RYR2: variants seen among roughly 807,000 people sequenced by gnomAD.
RYR2 encodes the protein cardiac muscle ryanodine receptor-calcium release channel.
RYR2 carries 227 observed loss-of-function variants against 601.1 expected under a neutral mutation model. The ratio of observed to expected loss-of-function variants is 0.38; its 90% CI spans 0.34 to 0.42. RYR2 has a LOEUF of 0.42. Ranked by LOEUF, RYR2 falls within the 10% of genes least tolerant of loss-of-function variation. The pLI is 1.00. For missense variants in RYR2, 4,646 were observed against 6,156.5 expected (o/e 0.75, Z 8.21); for synonymous variants, 2,223 against 2,175.1 (o/e 1.02, Z -0.61).
chr1:237,587,293 G>A (rs1436365910), intron 29 of RYR2, among the ~76,000 whole-genome samples: 1 of 152,058 alleles, frequency 6.6e-6, no homozygotes, highest in Non-Finnish European at 1.5e-5. Flanking sequence ...TATGTTGTTT[G>A]GGCCATTTTA....
At position 237,706,994 on chromosome 1, in the gene RYR2, C is replaced by T. The variant is rs956317332; in HGVS notation, c.9626C>T (p.Pro3209Leu). ...GTGGAAGATGTTTGTCCAAACATAC[C>T]GTCTTTGGAGAAACTCATGGAAGAA... ...TNVEDVCPNI[P>L]SLEKLMEEIV... Residue 3209 changes from proline (P) to leucine (L), a missense_variant, in exon 68 of 105, where the codon CCG (proline) becomes CTG (leucine). By Grantham distance (98) the Pro-to-Leu change is moderately conservative (BLOSUM62 -3). This residue lies in a region of RYR2 where 1,497 missense variants were observed against 1,842.6 expected (regional missense o/e 0.81). Coordinates refer to ENST00000366574, the MANE Select transcript of RYR2 (RefSeq NM_001035.3). 9.9e-6 allele frequency: 16 copies of T among 1,613,586 alleles called. No homozygotes were observed. The highest frequency in any genetic ancestry group is 1.7e-5 in the Admixed American group (1 of 59,976).
chr1:237,620,857 A>G (rs545149627), intron 38 of RYR2, among the ~76,000 whole-genome samples: 9 of 152,168 alleles, frequency 5.9e-5, no homozygotes, highest in Non-Finnish European at 1.2e-4. Context: ...CTCAGTTGAT[A>G]GAACAGCTGA....
chr1:237,275,473 A>T (rs551549237), intron 2 of RYR2, among the ~76,000 whole-genome samples: 2 of 151,220 alleles, frequency 1.3e-5, no homozygotes, highest in African/African-American at 2.5e-5. Flanking sequence ...AGACTAAAAA[A>T]CTTTGAGACA....
intron 29 of RYR2, among the ~76,000 whole-genome samples, chr1:237,583,501 A>G (rs1383940002): frequency 1.3e-5 from 2 of 152,190 alleles, no homozygotes; most frequent in African/African-American, 4.8e-5. Flanking sequence ...ATATTAAATA[A>G]TATAGGCAAA....
intron 1 of RYR2, among the ~76,000 whole-genome samples, chr1:237,255,623 C>T (rs1023729985): frequency 6.6e-6 from 1 of 152,100 alleles, no homozygotes; most frequent in Admixed American, 6.6e-5. Context: ...TTCATGAGGG[C>T]AGTTTCAATT....
chr1:237,759,456 A>T (rs532883854), intron 82 of RYR2, among the ~76,000 whole-genome samples: 1 of 152,340 alleles, frequency 6.6e-6, no homozygotes, highest in South Asian at 2.1e-4. Flanking sequence ...TTTTCTTCCC[A>T]GTTAACTTGC....
chr1:237,654,195 G>A, intron 51 of RYR2, 79 bp from the exon 52 acceptor site: 2 of 1,528,536 alleles, frequency 1.3e-6, no homozygotes, highest in Non-Finnish European at 1.8e-6. Flanking sequence ...TAGCATTAGA[G>A]TGTGATATGA....
At chr1:237,109,376 G>A (rs1413200297) in intron 1 of RYR2, among the ~76,000 whole-genome samples, 1 of 151,886 alleles carries the variant, frequency 6.6e-6, no homozygotes, top group Non-Finnish European at 1.5e-5. Flanking sequence ...AGAATATGCA[G>A]TTAAATTCAG....
At chr1:237,075,425 T>G (rs1308815305) in intron 1 of RYR2, among the ~76,000 whole-genome samples, 3 of 141,566 alleles carry the variant, frequency 2.1e-5, no homozygotes, top group Non-Finnish European at 3.1e-5. Context: ...GTGCGCACCG[T>G]GCGCGAGCCG....
chr1:237,236,767 C>T (rs967640358), intron 1 of RYR2, among the ~76,000 whole-genome samples: 1 of 152,022 alleles, frequency 6.6e-6, no homozygotes, highest in Non-Finnish European at 1.5e-5. Flanking sequence ...AATGGGATGG[C>T]GTGCTTTGAG....
intron 10 of RYR2, among the ~76,000 whole-genome samples, chr1:237,406,170 C>T (rs1703858215): frequency 1.6e-5 from 1 of 62,084 alleles, no homozygotes; most frequent in Non-Finnish European, 3.0e-5. Context: ...CTTCCCTTCC[C>T]TTCCCTCCCC....
At position 237,541,763 on chromosome 1, in the gene RYR2, G is replaced by A. The variant is rs370442097; in HGVS notation, c.2907-6668G>A. Among the ~76,000 whole-genome samples the A allele has an allele frequency of 4.6e-5, 7 of 152,222 alleles. No homozygotes were observed. The East Asian group carries it at 1.4e-3, about 30-fold the overall frequency. ...GTCAAAGGGGATTTGTTCTCTGGTG[G>A]GCAGGAGTGGGGGTCACAAGGTGTT... On this transcript the variant is annotated intron_variant, in intron 25 of 104. Coordinates refer to ENST00000366574, the MANE Select transcript of RYR2 (RefSeq NM_001035.3).
chr1:237,502,600 A>G lies in RYR2; in HGVS notation c.2397-689A>G, dbSNP rs1303788471. Among the ~76,000 whole-genome samples the G allele has an allele frequency of 2.0e-5, 3 of 152,104 alleles. No individual in the cohort carries two copies. In the East Asian group the frequency reaches 5.8e-4, roughly 29 times the overall value. The stretch of plus-strand genomic sequence containing the variant: ...CAGATCCCTCACAGACACAGTTCAC[A>G]ATAGGGTTCGCACTCCTATGAAAAT... On this transcript the variant is annotated intron_variant, in intron 21 of 104. Coordinates refer to ENST00000366574, the MANE Select transcript of RYR2 (RefSeq NM_001035.3).
At chr1:237,085,450 A>G (rs186737126) in intron 1 of RYR2, among the ~76,000 whole-genome samples, 159 of 152,318 alleles carry the variant, frequency 1.0e-3, no homozygotes, top group Non-Finnish European at 1.7e-3. Context: ...CTTGCTCCGC[A>G]TGTGTTAATT....
chr1:237,129,189 A>T (rs530515383), intron 1 of RYR2, among the ~76,000 whole-genome samples: 2 of 152,186 alleles, frequency 1.3e-5, no homozygotes, highest in Admixed American at 1.3e-4. Context: ...CCCAGCTGGT[A>T]TTCCTGCTTC....
At chr1:237,561,331 G>A (rs1305956850) in intron 27 of RYR2, among the ~76,000 whole-genome samples, 1 of 152,190 alleles carries the variant, frequency 6.6e-6, no homozygotes. Context: ...TCATAGTAGG[G>A]ATGCAAGTGA....
intron 35 of RYR2, among the ~76,000 whole-genome samples, chr1:237,609,974 G>A (rs551182879): frequency 6.6e-6 from 1 of 152,248 alleles, no homozygotes; most frequent in South Asian, 2.1e-4. Context: ...TAGGAAAGCA[G>A]TTTGAGGATG....
At chr1:237,765,260 T>G (rs1207395373) in intron 84 of RYR2, among the ~76,000 whole-genome samples, 1 of 152,188 alleles carries the variant, frequency 6.6e-6, no homozygotes, top group Non-Finnish European at 1.5e-5. Context: ...ATTATGACAT[T>G]GAAAGTGCAA....
At chr1:237,799,270 TTA>T (rs1454299769) in intron 97 of RYR2, among the ~76,000 whole-genome samples, 8 of 152,200 alleles carry the variant, frequency 5.3e-5, no homozygotes, top group African/African-American at 1.9e-4. Flanking sequence ...TCTGTGTTCC[TTA>T]TGTTAGAATA....
Sources: gnomAD v4.1 joint callset for allele counts (sites outside exome capture counted in the v4.1 genomes callset) on GRCh38, gnomAD v4.1.1 for gene constraint, gnomAD v4.1.1 regional missense constraint, MANE v1.5 for transcripts, NCBI Gene and HGNC (gene_info 2026-07-23, HGNC 2026-07-21) for gene names.